Variants in SIDT1 observed in about 807,000 individuals in gnomAD.
SIDT1 encodes SID1 transmembrane family, member 1.
Under a neutral mutation model 107.5 loss-of-function variants are expected in SIDT1, and 101 were observed. That is an observed-to-expected ratio of 0.94 (90% CI 0.80 to 1.11). The LOEUF is 1.11. SIDT1 is among the 50% of genes least tolerant of loss of function. The pLI is 0.00. For missense variants in SIDT1, 1,076 were observed against 1,058.2 expected (o/e 1.02, Z -0.23); for synonymous variants, 395 against 398.2 (o/e 0.99, Z 0.10).
chr3:113,622,648 C>T (rs916087205), intron 21 of SIDT1, among the ~76,000 whole-genome samples: 4 of 152,098 alleles, frequency 2.6e-5, no homozygotes, highest in Non-Finnish European at 5.9e-5. Context: ...TAATGTGTGT[C>T]AAGCCAATCA....
chr3:113,605,124 C>CTTTTTTTTTTTTTTTTTTTTTTTTTTTT (rs5851901), intron 14 of SIDT1, 148 bp downstream of exon 14: 1 of 288,046 alleles, frequency 3.5e-6, no homozygotes, highest in Admixed American at 5.6e-5. Flanking sequence ...ATTGCTTCCT[C>CTTTTTTTTTTTTTTTTTTTTTTTTTTTT]TTTTTTTTTT....
At position 113,611,014 on chromosome 3, in the gene SIDT1, C is replaced by T; in HGVS notation, c.1727C>T (p.Ser576Phe). The change falls in exon 18 of 25, where the codon TCC becomes TTC. Residue 576 changes from serine to phenylalanine, a missense_variant. Transcript: ENST00000264852. ...TCCTCCTTTGGGTCCTCAGACACCT[C>T]CTTCATGTACATGATCGCTGGCCTG... ...PNYSNFQFDT[S>F]FMYMIAGLCM... 1 of 1,613,862 alleles carries T rather than the reference C, an allele frequency of 6.2e-7. No homozygotes were observed. The highest frequency in any genetic ancestry group is 8.5e-7 in the Non-Finnish European group (1 of 1,179,864).
At chr3:113,637,043 GAAC>G in the SIDT1 span, among the ~76,000 whole-genome samples, 1 of 152,168 alleles carries the variant, frequency 6.6e-6, no homozygotes, top group African/African-American at 2.4e-5. Context: ...GGTAACAGGG[GAAC>G]AACACACAAA....
chr3:113,581,407 A>C lies in SIDT1; in HGVS notation c.710A>C (p.Tyr237Ser). 1 of 1,614,140 alleles carries C rather than the reference A, an allele frequency of 6.2e-7. No homozygotes were observed. Among genetic ancestry groups the C allele is most frequent in the Non-Finnish European group, 8.5e-7 (1 of 1,179,998 alleles). ...CACAATGTGGAATTTAATGGTGTCTATCAGTCCATGACCAAGAAAGCTGCC... is the reference window on the plus strand; with the variant it reads ...CACAATGTGGAATTTAATGGTGTCTCTCAGTCCATGACCAAGAAAGCTGCC... ...LDHNVEFNGVYQSMTKKAAIT... is the reference protein window; with the variant it reads ...LDHNVEFNGVSQSMTKKAAIT... The change falls in exon 6 of 25, where the codon TAT becomes TCT. Residue 237 changes from tyrosine to serine, a missense_variant. Transcript: ENST00000264852.
In SIDT1 at chr3:113,609,524, A is replaced by C. The variant is rs111529427; in HGVS notation, c.1720+988A>C. The stretch of plus-strand genomic sequence containing the variant: ...TTTCCTGAAGCAAAGGGGCTGAGAC[A>C]GTGTGCATTTCTGAATTGAAAGCGG... On this transcript the variant is annotated intron_variant, in intron 17 of 24. Coordinates refer to ENST00000264852, the MANE Select transcript of SIDT1 (RefSeq NM_017699.3). 8.8e-4 allele frequency among the ~76,000 whole-genome samples: 134 copies of C among 152,320 alleles called. 1 individual carries two copies. Among genetic ancestry groups the C allele is most frequent in the African/African-American group, 2.8e-3 (118 of 41,558 alleles).
chr3:113,565,235 T>C (rs1021495333), intron 1 of SIDT1, among the ~76,000 whole-genome samples: 1 of 152,170 alleles, frequency 6.6e-6, no homozygotes, highest in Non-Finnish European at 1.5e-5. Flanking sequence ...TATGGTATTA[T>C]AAGAATTGAA....
chr3:113,568,255 G>A (rs1394433054), intron 3 of SIDT1, among the ~76,000 whole-genome samples: 2 of 151,970 alleles, frequency 1.3e-5, no homozygotes, highest in African/African-American at 4.8e-5. Flanking sequence ...CTTCACTAAA[G>A]AAGCTACCCA....
At chr3:113,563,711 A>T (rs960714280) in intron 1 of SIDT1, among the ~76,000 whole-genome samples, 1 of 152,096 alleles carries the variant, frequency 6.6e-6, no homozygotes, top group African/African-American at 2.4e-5. Flanking sequence ...AACCAAATAC[A>T]ATGTATGGGT....
Position 113,576,961 on chromosome 3 carries a change from A to G in SIDT1, c.555A>G (p.Gln185=). 1 of 1,614,028 alleles carries G rather than the reference A, an allele frequency of 6.2e-7. No individual in the cohort carries two copies. The change falls in exon 4 of 25, where the codon CAA becomes CAG. Residue 185 remains glutamine (Q), a synonymous_variant. Coordinates refer to ENST00000264852, the MANE Select transcript of SIDT1 (RefSeq NM_017699.3). ...VAFHFTASPS[Q]PQYFLYKFPK... is the part of the protein sequence containing the mutation. ...TTCACTTTACTGCCAGCCCCTCTCAACCTCAGGTAAGTGAAGGGGTTCCAA... is the reference window on the plus strand; with the variant it reads ...TTCACTTTACTGCCAGCCCCTCTCAGCCTCAGGTAAGTGAAGGGGTTCCAA...
At chr3:113,601,328 G>A (rs945223417) in intron 10 of SIDT1, 2 of 332,954 alleles carry the variant, frequency 6.0e-6, no homozygotes, top group Non-Finnish European at 1.1e-5. Context: ...ATTTTTACCT[G>A]TCATGAAACA....
rs199768935 is a variant in SIDT1 at position 113,607,103 on chromosome 3, G to T, written c.1467G>T (p.Leu489Phe). The T allele has an allele frequency of 5.0e-6, 8 of 1,611,410 alleles. No homozygotes were observed. The Admixed American group carries it at 1.3e-4, about 27-fold the overall frequency. Residue 489 changes from leucine (L) to phenylalanine (F), a missense_variant, in exon 15 of 25, where the codon TTG becomes TTT. Transcript: ENST00000264852. ...ACAACTTCCTCTGTGCTCACCCCTTGGGCGTCCTGAGGTAAACCCAGTCCT... is the reference window on the plus strand; with the variant it reads ...ACAACTTCCTCTGTGCTCACCCCTTTGGCGTCCTGAGGTAAACCCAGTCCT... ...CYYNFLCAHPLGVLSAFNNIL... is the reference protein window; with the variant it reads ...CYYNFLCAHPFGVLSAFNNIL...
chr3:113,608,703 A>G (rs1261909289), intron 17 of SIDT1, among the ~76,000 whole-genome samples, 167 bp downstream of exon 17: 3 of 152,202 alleles, frequency 2.0e-5, no homozygotes, highest in African/African-American at 7.2e-5. Flanking sequence ...GAGCAGTTAG[A>G]CTGCTTTGGG....
intron 20 of SIDT1, among the ~76,000 whole-genome samples, chr3:113,617,211 T>A (rs1430431378): frequency 2.0e-5 from 3 of 152,198 alleles, no homozygotes; most frequent in Non-Finnish European, 4.4e-5. Context: ...CATTACGAAC[T>A]TACACTTCCA....
At position 113,583,438 on chromosome 3, in the gene SIDT1, C is replaced by T. The variant is rs557661366; in HGVS notation, c.777C>T (p.Phe259=). 1.4e-5 allele frequency: 23 copies of T among 1,598,610 alleles called. No individual in the cohort carries two copies. Among genetic ancestry groups the T allele is most frequent in the South Asian group, 1.4e-4 (12 of 88,844 alleles). The change falls in exon 7 of 25, where the codon TTC becomes TTT. Residue 259 remains phenylalanine, a synonymous_variant. Transcript: ENST00000264852. The part of the protein sequence containing the change: ...QKKDFPGEQF[F]VVFVIKPEDY... ...AGGATTTTCCAGGCGAGCAGTTCTT[C>T]GTGGTATTTGTGATAAAGCCTGAAG...
intron 14 of SIDT1, 126 bp downstream of exon 14, chr3:113,605,102 T>C (rs1178918286): frequency 1.2e-5 from 10 of 854,054 alleles, no homozygotes; most frequent in South Asian, 3.3e-5. Flanking sequence ...GGGGTTCCAA[T>C]TGGAATTCAC....
At chr3:113,627,596 T>A in intron 24 of SIDT1, 50 bp from the exon 25 acceptor site, 2 of 1,563,398 alleles carry the variant, frequency 1.3e-6, no homozygotes, top group Non-Finnish European at 1.8e-6. Context: ...CAGGACTTAG[T>A]GTGACAGTGA....
At chr3:113,626,056 T>C (rs1328761809) in intron 23 of SIDT1, 46 bp from the exon 24 acceptor site, 1 of 1,318,004 alleles carries the variant, frequency 7.6e-7, no homozygotes, top group East Asian at 2.3e-5. Flanking sequence ...CTTTGAACAG[T>C]TGAACTGTGG....
intron 24 of SIDT1, among the ~76,000 whole-genome samples, chr3:113,626,430 G>A (rs560961018): frequency 1.1e-4 from 16 of 151,804 alleles, no homozygotes; most frequent in African/African-American, 3.9e-4. Context: ...AATATCTTTA[G>A]ACACAGAGGG....
rs1220005258 is a variant in SIDT1, at chr3:113,628,793, C to T, written c.*1085C>T. 6.6e-6 allele frequency: 1 copy of T among 152,222 alleles called. No individual in the cohort carries two copies. The highest frequency in any genetic ancestry group is 1.5e-5 in the Non-Finnish European group (1 of 68,050). 9.4% of individuals were successfully genotyped at this position (152,222 alleles called of 1,614,324 possible). The stretch of plus-strand genomic sequence containing the variant: ...TAGATCAGGGTTCTAGACTTCTTCC[C>T]TGAGGTTCTCAGAAGCAGCTCTCAG... On this transcript the variant is annotated 3_prime_UTR_variant, in exon 25 of 25. Coordinates refer to ENST00000264852, the MANE Select transcript of SIDT1 (RefSeq NM_017699.3).
Sources: gnomAD v4.1 joint callset for allele counts (sites outside exome capture counted in the v4.1 genomes callset) on GRCh38, gnomAD v4.1.1 for gene constraint, MANE v1.5 for transcripts, NCBI Gene and HGNC (gene_info 2026-07-23, HGNC 2026-07-21) for gene names.